Variants in PIEZO2 observed in about 807,000 individuals in gnomAD.
PIEZO2 encodes the protein piezo type mechanosensitive ion channel component 2, also known as piezo-type mechanosensitive ion channel component 2.
Under a neutral mutation model 337.3 loss-of-function variants are expected in PIEZO2, and 172 were observed. That is an observed-to-expected ratio of 0.51 (90% CI 0.45 to 0.58). The LOEUF (loss-of-function observed/expected upper bound fraction) is 0.58. Among genes scored for constraint, PIEZO2 ranks in the 20% least tolerant of loss-of-function variants. The probability of loss-of-function intolerance (pLI) is 0.00; values close to 1 mark genes in which losing one functional copy is unlikely to be tolerated. For missense variants in PIEZO2, 3,028 were observed against 3,391.3 expected (o/e 0.89, Z 2.66); for synonymous variants, 1,251 against 1,228.5 (o/e 1.02, Z -0.38).
chr18:10,674,594 C>T (rs1434027934), intron 54 of PIEZO2, among the ~76,000 whole-genome samples: 1 of 152,228 alleles, frequency 6.6e-6, no homozygotes, highest in Non-Finnish European at 1.5e-5. Flanking sequence ...TGGCCTATTG[C>T]CTAGTGTGTA....
At chr18:11,107,689 C>T (rs1320977294) in intron 1 of PIEZO2, among the ~76,000 whole-genome samples, 2 of 152,128 alleles carry the variant, frequency 1.3e-5, no homozygotes, top group African/African-American at 4.8e-5. Flanking sequence ...TAATAAATTT[C>T]AAGGAGGCCA....
chr18:10,921,173 T>A (rs1261721324), intron 3 of PIEZO2, among the ~76,000 whole-genome samples: 1 of 152,078 alleles, frequency 6.6e-6, no homozygotes, highest in East Asian at 1.9e-4. Context: ...TTGGAGAAGA[T>A]GGTGATGTGT....
chr18:10,944,219 T>C (rs756427365), intron 3 of PIEZO2, among the ~76,000 whole-genome samples: 1 of 151,994 alleles, frequency 6.6e-6, no homozygotes, highest in Non-Finnish European at 1.5e-5. Context: ...CACAAGTGAA[T>C]AGGGGATCAG....
chr18:10,863,169 G>T lies in PIEZO2; in HGVS notation c.493-5958C>A, dbSNP rs1184177752. On this transcript the variant is annotated intron_variant, in intron 5 of 55. Coordinates refer to ENST00000674853, the MANE Select transcript of PIEZO2 (RefSeq NM_001378183.1). This position sits in a 1 kb window ranked among gnomAD's most constrained non-coding sequence, Gnocchi z 4.3. ...TAAAAGTTAACAATTTATCTTAACA[G>T]AATGGGTTCATCTCAATACAAGAGC... Among the ~76,000 whole-genome samples the T allele has an allele frequency of 6.6e-6, 1 of 152,146 alleles. No homozygotes were observed. The highest frequency in any genetic ancestry group is 2.4e-5 in the African/African-American group (1 of 41,428).
chr18:11,094,165 G>C lies in PIEZO2; in HGVS notation c.65-27943C>G, dbSNP rs989472255. 6.6e-6 allele frequency among the ~76,000 whole-genome samples: 1 copy of C among 152,022 alleles called. No individual in the cohort carries two copies. Among genetic ancestry groups the C allele is most frequent in the African/African-American group, 2.4e-5 (1 of 41,398 alleles). The stretch of plus-strand genomic sequence containing the variant: ...AGCTAATTTTTCTATTTTTAATAGA[G>C]ACCAGGTTTCATCATGTTGGCCAGG... On this transcript the variant is annotated intron_variant, in intron 1 of 55. Transcript: ENST00000674853. This position sits in a 1 kb window ranked among gnomAD's most constrained non-coding sequence, Gnocchi z 4.4.
chr18:11,091,467 A>G (rs1398196688), intron 1 of PIEZO2, among the ~76,000 whole-genome samples: 1 of 152,186 alleles, frequency 6.6e-6, no homozygotes, highest in East Asian at 1.9e-4. Flanking sequence ...TAATGAAGAA[A>G]AGCTGTAAGA....
rs1315110174 is a variant in PIEZO2, at chr18:10,682,420, T to G, written c.7498-128A>C. On this transcript the variant is annotated intron_variant, in intron 49 of 55. Coordinates refer to ENST00000674853, the MANE Select transcript of PIEZO2 (RefSeq NM_001378183.1). This position sits in a 1 kb window ranked among gnomAD's most constrained non-coding sequence, Gnocchi z 5.6. ...CATGGATTTGGCCCTGAATCTTCTC[T>G]GTTCGCTCTGAAATGGGGATAGCAA... 2.0e-5 allele frequency: 16 copies of G among 815,954 alleles called. No homozygotes were observed. The highest frequency in any genetic ancestry group is 1.7e-4 in the African/African-American group (10 of 57,714). 50.5% of individuals were successfully genotyped at this position (815,954 alleles called of 1,614,324 possible).
chr18:10,686,680 T>C (rs960958668), intron 49 of PIEZO2, among the ~76,000 whole-genome samples: 4 of 151,908 alleles, frequency 2.6e-5, no homozygotes, highest in African/African-American at 7.3e-5. Flanking sequence ...GTATTAAGGG[T>C]TGTTGGGGCC....
At chr18:11,103,810 C>T (rs112627630) in intron 1 of PIEZO2, among the ~76,000 whole-genome samples, 20 of 122,616 alleles carry the variant, frequency 1.6e-4, no homozygotes, top group Middle Eastern at 3.8e-3. Context: ...TGTGTGTGTG[C>T]GTGTGTGCGT....
intron 1 of PIEZO2, among the ~76,000 whole-genome samples, chr18:11,138,098 T>A (rs1217089371): frequency 1.3e-5 from 2 of 152,174 alleles, no homozygotes; most frequent in Non-Finnish European, 2.9e-5. Context: ...TAGACCTAAC[T>A]CTATTTTCAG....
rs568666497 is a variant in PIEZO2, at chr18:10,923,965, C to A, written c.287-12737G>T. ...CATAACTGCAATGAGGATATGTAATCAAAGCATCTGAGCAGTCTCTGGCAC... is the reference window on the plus strand; with the variant it reads ...CATAACTGCAATGAGGATATGTAATAAAAGCATCTGAGCAGTCTCTGGCAC... On this transcript the variant is annotated intron_variant, in intron 3 of 55. Transcript: ENST00000674853. 9.8e-5 allele frequency among the ~76,000 whole-genome samples: 15 copies of A among 152,318 alleles called. No individual in the cohort carries two copies. In the East Asian group the frequency reaches 2.9e-3, roughly 29 times the overall value.
chr18:11,004,913 C>G (rs1272338871), intron 2 of PIEZO2, among the ~76,000 whole-genome samples: 1 of 152,230 alleles, frequency 6.6e-6, no homozygotes, highest in Non-Finnish European at 1.5e-5. Flanking sequence ...CCATGCCCCT[C>G]TGGACACTCC....
At position 10,835,000 on chromosome 18, in the gene PIEZO2, C is replaced by T. The variant is rs547050954; in HGVS notation, c.917+20353G>A. On this transcript the variant is annotated intron_variant, in intron 7 of 55. Coordinates refer to ENST00000674853, the MANE Select transcript of PIEZO2 (RefSeq NM_001378183.1). The surrounding 1 kb of genome is among the most constrained non-coding windows in gnomAD (Gnocchi z 4.5). Reference sequence around the variant, plus strand: ...GCGATTAGGTCACAAGGGAGAAGCCCTCATGAAAGGGATCTGTGCCCTTAT... The same window carrying T: ...GCGATTAGGTCACAAGGGAGAAGCCTTCATGAAAGGGATCTGTGCCCTTAT... Among the ~76,000 whole-genome samples the T allele has an allele frequency of 6.6e-6, 1 of 152,290 alleles. No homozygotes were observed. The highest frequency in any genetic ancestry group is 2.4e-5 in the African/African-American group (1 of 41,570).
In PIEZO2 at chr18:11,035,153, G is replaced by C. The variant is rs1046538445; in HGVS notation, c.160+30974C>G. On this transcript the variant is annotated intron_variant, in intron 2 of 55. Coordinates refer to ENST00000674853, the MANE Select transcript of PIEZO2 (RefSeq NM_001378183.1). The surrounding 1 kb of genome is among the most constrained non-coding windows in gnomAD (Gnocchi z 4.3). The stretch of plus-strand genomic sequence containing the variant: ...TGCTTCTGACTCCTGAGATGGTTTG[G>C]ATACTGTCCTCTCTCCAATTTCTTG... Among the ~76,000 whole-genome samples the C allele has an allele frequency of 1.3e-5, 2 of 152,184 alleles. No individual in the cohort carries two copies. Among genetic ancestry groups the C allele is most frequent in the African/African-American group, 4.8e-5 (2 of 41,438 alleles).
At chr18:10,826,326 T>C (rs1052443415) in intron 7 of PIEZO2, among the ~76,000 whole-genome samples, 6 of 152,160 alleles carry the variant, frequency 3.9e-5, no homozygotes, top group Non-Finnish European at 5.9e-5. Flanking sequence ...TAAATATGAG[T>C]TCCTAATGAT....
chr18:10,736,938 A>T (rs893837153), intron 33 of PIEZO2, among the ~76,000 whole-genome samples: 1 of 151,770 alleles, frequency 6.6e-6, no homozygotes, highest in African/African-American at 2.4e-5. Flanking sequence ...TTTGCCATGT[A>T]AGAGAACTGG....
rs1319980052 is a variant in PIEZO2, at chr18:10,758,186, CA to C, written c.3758-53del. On this transcript the variant is annotated intron_variant, in intron 26 of 55. Coordinates refer to ENST00000674853, the MANE Select transcript of PIEZO2 (RefSeq NM_001378183.1). ...AGCCGCCTCATCCTCTTCTGATTTA[CA>C]TAATGCAACACACAGTCATCACACA... is the stretch of plus-strand genomic sequence containing the variant. 6 of 1,501,736 alleles carry C rather than the reference CA, an allele frequency of 4.0e-6. No homozygotes were observed. In the Admixed American group the frequency reaches 1.0e-4, roughly 25 times the overall value. The allele number at this position is 1,501,736 out of a possible 1,614,324, so 93.0% of individuals were successfully genotyped here. A position where few individuals can be genotyped will look rare whatever the true frequency, so the allele number is the denominator to read the frequency against.
At chr18:11,138,511 T>C (rs1004884324) in intron 1 of PIEZO2, among the ~76,000 whole-genome samples, 5 of 152,026 alleles carry the variant, frequency 3.3e-5, no homozygotes, top group African/African-American at 1.2e-4. Flanking sequence ...CCCAGGATGG[T>C]CTCGAATTCC....
intron 7 of PIEZO2, among the ~76,000 whole-genome samples, chr18:10,816,947 G>C (rs541929367): frequency 6.6e-6 from 1 of 152,096 alleles, no homozygotes; most frequent in Non-Finnish European, 1.5e-5. Flanking sequence ...ATCAAGCAGA[G>C]GAATAAAATT....
Sources: gnomAD v4.1 joint callset for allele counts (sites outside exome capture counted in the v4.1 genomes callset) on GRCh38, gnomAD v4.1.1 for gene constraint, Gnocchi (gnomAD v3.1) non-coding constraint, MANE v1.5 for transcripts, NCBI Gene and HGNC (gene_info 2026-07-23, HGNC 2026-07-21) for gene names.